The following RRM2 variants were observed in gnomAD, a reference collection of about 807,000 sequenced individuals.
RRM2 encodes ribonucleoside-diphosphate reductase subunit M2.
RRM2 carries 6 observed loss-of-function variants against 45.9 expected under a neutral mutation model. The ratio of observed to expected loss-of-function variants is 0.13; its 90% CI spans 0.07 to 0.26. RRM2 has a LOEUF of 0.26. RRM2 is among the 10% of genes least tolerant of loss of function. The pLI, the probability that RRM2 is intolerant of heterozygous loss-of-function variation, is 1.00. For synonymous variants in RRM2, 177 were observed against 173.0 expected, an observed-to-expected ratio of 1.02 and a Z score of -0.18; for missense variants, 343 against 489.5, an observed-to-expected ratio of 0.70 and a Z score of 2.82.
downstream of RRM2, among the ~76,000 whole-genome samples, chr2:10,134,760 G>T (rs957829702): frequency 6.6e-6 from 1 of 152,216 alleles, no homozygotes; most frequent in African/African-American, 2.4e-5. Flanking sequence ...AGACATAGCT[G>T]AAGAGTGGAC....
intron 2 of RRM2, 64 bp from the exon 3 acceptor site, chr2:10,123,323 C>A: frequency 6.5e-7 from 1 of 1,528,284 alleles, no homozygotes; most frequent in South Asian, 1.3e-5. Flanking sequence ...GGACTTGGTC[C>A]AGAAAAACGT....
chr2:10,210,063 C>T (rs779931303), intron 3 of RRM2, among the ~76,000 whole-genome samples: 22 of 152,172 alleles, frequency 1.4e-4, no homozygotes, highest in African/African-American at 5.1e-4. Flanking sequence ...TGCCCTCCCT[C>T]GGGTGAACAA....
chr2:10,208,602 G>A (rs1296086386), intron 3 of RRM2, among the ~76,000 whole-genome samples: 2 of 152,062 alleles, frequency 1.3e-5, no homozygotes, highest in African/African-American at 4.8e-5. Flanking sequence ...ATGAGTAAAG[G>A]GTTATTGATT....
chr2:10,124,719 G>C lies in RRM2; in HGVS notation c.438G>C (p.Val146=). 1 of 1,611,486 alleles carries C rather than the reference G, an allele frequency of 6.2e-7. No individual in the cohort carries two copies. The highest frequency in any genetic ancestry group is 8.5e-7 in the Non-Finnish European group (1 of 1,179,742). Residue 146 remains valine, a splice_region_variant and synonymous_variant, in exon 5 of 10, where the codon GTG becomes GTC. Coordinates refer to ENST00000304567, the MANE Select transcript of RRM2 (RefSeq NM_001034.4). ...ACTTTGATGTGTTTTGCCACTAGGT[G>C]GAGCGATTTAGCCAAGAAGTTCAGA... The part of the protein sequence containing the change: ...ASDGIVNENL[V]ERFSQEVQIT...
intron 3 of RRM2, among the ~76,000 whole-genome samples, chr2:10,207,904 A>G (rs1416687070): frequency 6.6e-6 from 1 of 151,954 alleles, no homozygotes; most frequent in Non-Finnish European, 1.5e-5. Context: ...AGATATCTCC[A>G]GGACTACCAT....
At chr2:10,148,801 A>G (rs1478713634) in intron 3 of RRM2, among the ~76,000 whole-genome samples, 4 of 152,128 alleles carry the variant, frequency 2.6e-5, no homozygotes, top group African/African-American at 9.7e-5. Flanking sequence ...ATATCTTTAA[A>G]TATTTATGTT....
At chr2:10,182,871 C>G (rs1394755805) in intron 3 of RRM2, among the ~76,000 whole-genome samples, 1 of 152,116 alleles carries the variant, frequency 6.6e-6, no homozygotes, top group African/African-American at 2.4e-5. Context: ...CACTCAAACG[C>G]AGACTCTTTT....
At chr2:10,174,781 C>T (rs894455610) in intron 3 of RRM2, among the ~76,000 whole-genome samples, 23 of 151,950 alleles carry the variant, frequency 1.5e-4, no homozygotes, top group African/African-American at 5.5e-4. Flanking sequence ...GCAGGAGGAT[C>T]ACCTGAGCCC....
intron 3 of RRM2, among the ~76,000 whole-genome samples, chr2:10,193,674 G>A (rs919059484): frequency 6.6e-6 from 1 of 152,150 alleles, no homozygotes; most frequent in Non-Finnish European, 1.5e-5. Context: ...AGTCATGAAC[G>A]TAACAGGTTC....
At chr2:10,125,845 CAT>C (rs1662766846) in intron 5 of RRM2, among the ~76,000 whole-genome samples, 1 of 152,042 alleles carries the variant, frequency 6.6e-6, no homozygotes, top group Non-Finnish European at 1.5e-5. Flanking sequence ...GAGATTTGAA[CAT>C]GTTTATAGGT....
Position 10,129,407 on chromosome 2 carries a change from T to C in RRM2, c.*21T>C, listed in dbSNP as rs376458388. 2 of 1,578,640 alleles carry C rather than the reference T, an allele frequency of 1.3e-6. No individual in the cohort carries two copies. Among genetic ancestry groups the C allele is most frequent in the African/African-American group, 1.4e-5 (1 of 72,778 alleles). On this transcript the variant is annotated 3_prime_UTR_variant, in exon 10 of 10. Coordinates refer to ENST00000304567, the MANE Select transcript of RRM2 (RefSeq NM_001034.4). The surrounding 1 kb of genome is among the most constrained non-coding windows in gnomAD (Gnocchi z 4.8). The stretch of plus-strand genomic sequence containing the variant: ...TCTAAATGAACTGAAGATGTGCCCT[T>C]ACTTGGCTGATTTTTTTTTTCCATC...
chr2:10,123,715 A>G (rs1035184008), intron 3 of RRM2, 21 bp from the exon 4 acceptor site: 1 of 1,502,898 alleles, frequency 6.7e-7, no homozygotes, highest in African/African-American at 1.4e-5. Context: ...TTATGCTAAA[A>G]TTGTGACTTC....
chr2:10,141,626 G>C, exon 1 of RRM2: 1 of 584,240 alleles, frequency 1.7e-6, no homozygotes, highest in Non-Finnish European at 3.0e-6. Context: ...AGGATTCCAA[G>C]ATCACACGGA....
At chr2:10,177,663 TTTCCTTCCTTCCTTCCTTCCTTCC>T (rs138844800) in intron 3 of RRM2, among the ~76,000 whole-genome samples, 8 of 141,150 alleles carry the variant, frequency 5.7e-5, no homozygotes, top group South Asian at 2.3e-4. Context: ...CTTCTTTCCT[TTTCCTTCCTTCCTTCCTTCCTTCC>T]TTCCTTCCTT....
In RRM2 at chr2:10,150,186, G is replaced by T. The variant is rs866199277; in HGVS notation, n.482+7811G>T. Among the ~76,000 whole-genome samples, 3 of 152,164 alleles carry T rather than the reference G, an allele frequency of 2.0e-5. No individual in the cohort carries two copies. The South Asian group carries it at 6.2e-4, about 31-fold the overall frequency. On this transcript the variant is annotated intron_variant and non_coding_transcript_variant, in intron 3 of 3. Transcript: ENST00000381786. The stretch of plus-strand genomic sequence containing the variant: ...AAATTAGCCGGGCGTGGTGGTGCAA[G>T]CCTGTAATCCCAGCACTTTGGGAGG...
chr2:10,153,032 T>G (rs1663349217), intron 3 of RRM2, among the ~76,000 whole-genome samples: 1 of 152,112 alleles, frequency 6.6e-6, no homozygotes, highest in South Asian at 2.1e-4. Flanking sequence ...TAGGTGTTGA[T>G]GAATGAAGGG....
At chr2:10,194,851 G>T (rs1303792178) in intron 3 of RRM2, among the ~76,000 whole-genome samples, 2 of 152,158 alleles carry the variant, frequency 1.3e-5, no homozygotes, top group Non-Finnish European at 2.9e-5. Context: ...TTTCCTCCCT[G>T]CCTCCTTGGC....
chr2:10,140,485 G>A (rs1663060516), upstream of RRM2, among the ~76,000 whole-genome samples: 1 of 152,184 alleles, frequency 6.6e-6, no homozygotes, highest in African/African-American at 2.4e-5. Context: ...CCATGTTCCT[G>A]AGAGCTCCGT....
chr2:10,173,982 G>A (rs895696900), intron 3 of RRM2, among the ~76,000 whole-genome samples: 3 of 152,194 alleles, frequency 2.0e-5, no homozygotes, highest in African/African-American at 4.8e-5. Flanking sequence ...ATTGAACTGT[G>A]TCCCCTGCAA....
Sources: allele counts gnomAD v4.1 joint callset (sites outside exome capture counted in the v4.1 genomes callset), GRCh38; gene constraint gnomAD v4.1.1; non-coding constraint Gnocchi (gnomAD v3.1); transcripts MANE v1.5; gene names NCBI Gene and HGNC (gene_info 2026-07-23, HGNC 2026-07-21).